Variants in TRIO observed in about 807,000 individuals in gnomAD.
The protein encoded by TRIO is trio Rho guanine nucleotide exchange factor.
A neutral mutation model predicts 351.9 loss-of-function variants in TRIO; 58 were observed. The observed-to-expected ratio is 0.16, with a 90% CI of 0.13 to 0.21. The LOEUF (loss-of-function observed/expected upper bound fraction) is 0.21. Among genes scored for constraint, TRIO ranks in the 10% least tolerant of loss-of-function variants. The probability of loss-of-function intolerance (pLI) is 1.00; values close to 1 mark genes in which losing one functional copy is unlikely to be tolerated. For missense variants in TRIO, 3,201 were observed against 4,027.8 expected, an observed-to-expected ratio of 0.79 and a Z score of 5.56; for synonymous variants, 1,758 against 1,595.7, an observed-to-expected ratio of 1.10 and a Z score of -2.42.
chr5:14,482,463 A>G, intron 45 of TRIO, 119 bp from the exon 46 acceptor site: 1 of 809,304 alleles, frequency 1.2e-6, no homozygotes. Context: ...AACTCCATAA[A>G]TTAATAAAAG....
intron 55 of TRIO, among the ~76,000 whole-genome samples, chr5:14,505,618 T>G (rs1757619301): frequency 6.6e-6 from 1 of 152,120 alleles, no homozygotes; most frequent in South Asian, 2.1e-4. Context: ...TTATTGTCAT[T>G]TTTTTCTTAA....
intron 3 of TRIO, among the ~76,000 whole-genome samples, chr5:14,281,706 A>G (rs909629524): frequency 6.6e-6 from 1 of 152,164 alleles, no homozygotes; most frequent in Non-Finnish European, 1.5e-5. Context: ...CTTTTATTCC[A>G]GAAAGGCACA....
chr5:14,402,495 C>T (rs1364527000), intron 31 of TRIO, among the ~76,000 whole-genome samples: 4 of 151,830 alleles, frequency 2.6e-5, no homozygotes, highest in African/African-American at 7.3e-5. Context: ...GAGAGGCAGG[C>T]GATGGTGATG....
chr5:14,435,249 G>A (rs890892543), intron 34 of TRIO, among the ~76,000 whole-genome samples: 9 of 152,144 alleles, frequency 5.9e-5, no homozygotes, highest in East Asian at 3.9e-4. Flanking sequence ...CCACGAGGCC[G>A]GACTCCCTGC....
At chr5:14,186,309 A>G (rs1000089591) in intron 1 of TRIO, among the ~76,000 whole-genome samples, 6 of 152,190 alleles carry the variant, frequency 3.9e-5, no homozygotes, top group Non-Finnish European at 2.9e-5. Flanking sequence ...TCTATGATGC[A>G]TAACTGTGAG....
intron 53 of TRIO, 54 bp downstream of exon 53, chr5:14,498,694 G>T: frequency 1.3e-6 from 2 of 1,595,174 alleles, no homozygotes; most frequent in Non-Finnish European, 1.7e-6. Context: ...CGTCTTTCAG[G>T]AGTCTCCTTA....
chr5:14,295,998 TAATG>T (rs1279216119), intron 6 of TRIO, among the ~76,000 whole-genome samples: 1 of 152,052 alleles, frequency 6.6e-6, no homozygotes, highest in African/African-American at 2.4e-5. Flanking sequence ...TACAAAGAAA[TAATG>T]AACAAGTGAG....
At chr5:14,487,264 C>G (rs1755987714) in intron 47 of TRIO, among the ~76,000 whole-genome samples, 200 bp from the exon 48 acceptor site, 1 of 152,112 alleles carries the variant, frequency 6.6e-6, no homozygotes, top group East Asian at 1.9e-4. Flanking sequence ...GCGGCCCCTT[C>G]CACCCGCTGC....
chr5:14,179,147 G>A (rs1249829645), intron 1 of TRIO, among the ~76,000 whole-genome samples: 1 of 152,134 alleles, frequency 6.6e-6, no homozygotes, highest in African/African-American at 2.4e-5. Flanking sequence ...CTCCCGGCCA[G>A]CACGTCGGTG....
chr5:14,209,980 C>T (rs888293555), intron 1 of TRIO, among the ~76,000 whole-genome samples: 6 of 152,130 alleles, frequency 3.9e-5, no homozygotes, highest in African/African-American at 9.7e-5. Flanking sequence ...TCCCTGTGTG[C>T]GGGCCTAGCA....
chr5:14,365,453 G>A (rs539756908), intron 15 of TRIO, among the ~76,000 whole-genome samples: 3 of 152,310 alleles, frequency 2.0e-5, no homozygotes, highest in Admixed American at 1.3e-4. Context: ...TGAGCAGGAG[G>A]TGGTGCAGAA....
At chr5:14,405,820 T>A (rs1748656230) in intron 31 of TRIO, 28 bp from the exon 32 acceptor site, 1 of 1,606,722 alleles carries the variant, frequency 6.2e-7, no homozygotes. Context: ...CCGTTCCGTA[T>A]CCTAAGCAAC....
At chr5:14,432,733 G>T (rs1387004230) in intron 34 of TRIO, among the ~76,000 whole-genome samples, 2 of 152,190 alleles carry the variant, frequency 1.3e-5, no homozygotes, top group African/African-American at 2.4e-5. Context: ...CAAAGGAAAA[G>T]CCATTTTTTC....
intron 33 of TRIO, among the ~76,000 whole-genome samples, chr5:14,411,378 G>A (rs529848949): frequency 1.3e-5 from 2 of 152,260 alleles, no homozygotes; most frequent in Non-Finnish European, 2.9e-5. Context: ...GCATCTTGAG[G>A]CCAACATGGA....
At chr5:14,219,237 AT>A (rs144007605) in intron 1 of TRIO, among the ~76,000 whole-genome samples, 5,679 of 151,186 alleles carry the variant, frequency 0.038, 353 homozygotes, top group African/African-American at 0.13. Flanking sequence ...TTTTTCTATA[AT>A]TTTTTTTTTT....
intron 18 of TRIO, among the ~76,000 whole-genome samples, chr5:14,373,767 T>C (rs1745323891): frequency 6.6e-6 from 1 of 152,178 alleles, no homozygotes; most frequent in Non-Finnish European, 1.5e-5. Flanking sequence ...TTTGTTTGAG[T>C]AGTTGTGACG....
intron 11 of TRIO, among the ~76,000 whole-genome samples, chr5:14,356,255 A>G (rs1034136129): frequency 5.3e-5 from 8 of 152,160 alleles, no homozygotes; most frequent in Non-Finnish European, 1.2e-4. Flanking sequence ...TGATACTAAG[A>G]TTTTCTGTGT....
rs968174743 is a variant in TRIO at position 14,222,573 on chromosome 5, G to A, written c.158-48252G>A. 3.3e-5 allele frequency among the ~76,000 whole-genome samples: 5 copies of A among 152,156 alleles called. No individual in the cohort carries two copies. In the East Asian group the frequency reaches 5.8e-4, roughly 18 times the overall value. ...TTTAACCTGACCTAAGCATTGTCTT[G>A]GAAACAGTAAAATGCAGCCCCTTCC... On this transcript the variant is annotated intron_variant, in intron 1 of 56. Transcript: ENST00000344204.
chr5:14,390,434 C>A lies in TRIO; in HGVS notation c.4128+134C>A, dbSNP rs1466533108. 5 of 793,156 alleles carry A rather than the reference C, an allele frequency of 6.3e-6. No individual in the cohort carries two copies. In the Admixed American group the frequency reaches 1.2e-4, roughly 18 times the overall value. The allele number at this position is 793,156 out of a possible 1,614,324, so 49.1% of individuals were successfully genotyped here. ...ATGCTTGCGGAGAAATAGACTTTAC[C>A]TCAAAGAATTGCATACTTCAACTAA... On this transcript the variant is annotated intron_variant, in intron 26 of 56. Coordinates refer to ENST00000344204, the MANE Select transcript of TRIO (RefSeq NM_007118.4).
Sources: allele counts gnomAD v4.1 joint callset (sites outside exome capture counted in the v4.1 genomes callset), GRCh38; gene constraint gnomAD v4.1.1; transcripts MANE v1.5; gene names NCBI Gene and HGNC (gene_info 2026-07-23, HGNC 2026-07-21).